Variants in SLC35D4 observed in about 807,000 individuals in gnomAD.
The protein encoded by SLC35D4 is UDP-N-acetylglucosamine transporter SLC35D4.
At chr18:23,246,585 G>A in the SLC35D4 span, among the ~76,000 whole-genome samples, 5 of 151,908 alleles carry the variant, frequency 3.3e-5, no homozygotes, top group South Asian at 2.1e-4. Context: ...TAGAGATGGG[G>A]TTTCACCGTG....
the SLC35D4 span, among the ~76,000 whole-genome samples, chr18:23,396,210 A>G: frequency 6.6e-6 from 1 of 152,222 alleles, no homozygotes; most frequent in Non-Finnish European, 1.5e-5. Context: ...TCAGGAGAAC[A>G]GAACTTCAAG....
the SLC35D4 span, chr18:23,253,881 TAGC>T: frequency 6.2e-7 from 1 of 1,614,230 alleles, no homozygotes; most frequent in Admixed American, 1.7e-5. Context: ...TGTGTGCTGT[TAGC>T]AGCCAAAATT....
the SLC35D4 span, among the ~76,000 whole-genome samples, chr18:23,266,122 C>T: frequency 6.6e-6 from 1 of 152,136 alleles, no homozygotes; most frequent in South Asian, 2.1e-4. Flanking sequence ...AAATATGCAG[C>T]CGGAAGGGGC....
chr18:23,354,477 A>G, the SLC35D4 span, among the ~76,000 whole-genome samples: 8 of 149,032 alleles, frequency 5.4e-5, no homozygotes, highest in Non-Finnish European at 1.2e-4. Flanking sequence ...CCGAGATCGC[A>G]CCACTGCACT....
At chr18:23,268,532 C>G in the SLC35D4 span, among the ~76,000 whole-genome samples, 2 of 151,992 alleles carry the variant, frequency 1.3e-5, no homozygotes, top group East Asian at 3.9e-4. Flanking sequence ...TGATGTTTCT[C>G]CAGTCAAGGT....
chr18:23,407,485 G>A, the SLC35D4 span, among the ~76,000 whole-genome samples: 1 of 151,654 alleles, frequency 6.6e-6, no homozygotes, highest in South Asian at 2.1e-4. Context: ...CTTAATGTAC[G>A]ATAAATCAAA....
the SLC35D4 span, among the ~76,000 whole-genome samples, chr18:23,434,655 A>G: frequency 6.6e-6 from 1 of 152,096 alleles, no homozygotes; most frequent in Admixed American, 6.6e-5. Flanking sequence ...TTAGCCAGGC[A>G]TGGTGGCGCA....
chr18:23,295,031 G>A, the SLC35D4 span, among the ~76,000 whole-genome samples: 1 of 152,018 alleles, frequency 6.6e-6, no homozygotes, highest in African/African-American at 2.4e-5. Context: ...GCCACTTTCT[G>A]CAAGTGGAAA....
At chr18:23,273,023 G>T in the SLC35D4 span, among the ~76,000 whole-genome samples, 3 of 152,184 alleles carry the variant, frequency 2.0e-5, no homozygotes, top group South Asian at 4.1e-4. Flanking sequence ...CCATGACACC[G>T]GTGAGCCGCA....
the SLC35D4 span, among the ~76,000 whole-genome samples, chr18:23,398,362 A>G: frequency 6.6e-6 from 1 of 152,374 alleles, no homozygotes; most frequent in South Asian, 2.1e-4. Context: ...AAAAAAATTT[A>G]AAAGAATTTG....
chr18:23,277,008 T>C, the SLC35D4 span, among the ~76,000 whole-genome samples: 2 of 152,218 alleles, frequency 1.3e-5, no homozygotes, highest in African/African-American at 4.8e-5. Context: ...ACCTCAAATC[T>C]TACTGGTTTA....
the SLC35D4 span, among the ~76,000 whole-genome samples, chr18:23,363,892 G>A: frequency 6.6e-6 from 1 of 152,158 alleles, no homozygotes; most frequent in Non-Finnish European, 1.5e-5. Context: ...AGCAGAGAGG[G>A]GACTCAACAG....
chr18:23,437,776 C>G, the SLC35D4 span: 2 of 1,610,556 alleles, frequency 1.2e-6, no homozygotes, highest in Non-Finnish European at 1.7e-6. Flanking sequence ...CGCCCGCCCC[C>G]TCACCTTGTT....
the SLC35D4 span, among the ~76,000 whole-genome samples, chr18:23,366,074 A>G: frequency 6.6e-6 from 1 of 152,268 alleles, no homozygotes; most frequent in Non-Finnish European, 1.5e-5. Flanking sequence ...TATTTTTGCC[A>G]CAAAATCAAC....
At chr18:23,364,830 G>T in the SLC35D4 span, among the ~76,000 whole-genome samples, 1 of 148,706 alleles carries the variant, frequency 6.7e-6, no homozygotes, top group Non-Finnish European at 1.5e-5. Context: ...TTGAACCTGG[G>T]AGGCAGAGGT....
At chr18:23,397,955 A>G in the SLC35D4 span, among the ~76,000 whole-genome samples, 1 of 152,262 alleles carries the variant, frequency 6.6e-6, no homozygotes, top group Non-Finnish European at 1.5e-5. Context: ...TGGGAGGCTG[A>G]GGTGGGAGGA....
the SLC35D4 span, chr18:23,356,629 C>T: frequency 1.2e-6 from 2 of 1,614,144 alleles, no homozygotes; most frequent in Non-Finnish European, 1.7e-6. The surrounding 1 kb of genome is among the most constrained non-coding windows in gnomAD (Gnocchi z 4.1). Flanking sequence ...TGTAGAAGTA[C>T]AGGAATGGGA....
chr18:23,390,075 G>A, the SLC35D4 span, among the ~76,000 whole-genome samples: 2 of 152,140 alleles, frequency 1.3e-5, no homozygotes, highest in Non-Finnish European at 2.9e-5. Context: ...TGCTTACTAC[G>A]TGTCAGACAC....
At chr18:23,292,334 C>A in the SLC35D4 span, among the ~76,000 whole-genome samples, 1 of 152,188 alleles carries the variant, frequency 6.6e-6, no homozygotes, top group Non-Finnish European at 1.5e-5. Flanking sequence ...TCTGGAAACA[C>A]GCAGAGTGAT....
Sources: allele counts gnomAD v4.1 joint callset (sites outside exome capture counted in the v4.1 genomes callset), GRCh38; gene constraint gnomAD v4.1.1; non-coding constraint Gnocchi (gnomAD v3.1); transcripts MANE v1.5; gene names NCBI Gene and HGNC (gene_info 2026-07-23, HGNC 2026-07-21).